Variants in ST3GAL1 observed in about 807,000 individuals in gnomAD.
The protein encoded by ST3GAL1 is CMP-N-acetylneuraminate-beta-galactosamide-alpha-2,3-sialyltransferase 1.
In ST3GAL1, 16 loss-of-function variants were observed where a neutral mutation model predicts 34.1. The observed-to-expected ratio is 0.47, with a 90% CI of 0.32 to 0.71. ST3GAL1 has a LOEUF of 0.71. Among genes scored for constraint, ST3GAL1 ranks in the 30% least tolerant of loss-of-function variants. The probability of loss-of-function intolerance (pLI) is 0.04; values close to 1 mark genes in which losing one functional copy is unlikely to be tolerated. For synonymous variants in ST3GAL1, 191 were observed against 184.7 expected (o/e 1.03, Z -0.28); for missense variants, 353 against 447.4 (o/e 0.79, Z 1.90).
At position 133,455,451 on chromosome 8, in the gene ST3GAL1, T is replaced by C. The variant is rs1398862108; in HGVS notation, c.*4313A>G. 3 of 152,238 alleles carry C rather than the reference T, an allele frequency of 2.0e-5. No homozygotes were observed. Among genetic ancestry groups the C allele is most frequent in the Non-Finnish European group, 4.4e-5 (3 of 68,060 alleles). The allele number at this position is 152,238 out of a possible 1,614,324, so 9.4% of individuals were successfully genotyped here. A position where few individuals can be genotyped will look rare whatever the true frequency, so the allele number is the denominator to read the frequency against. The stretch of plus-strand genomic sequence containing the variant: ...CCTGTCTCTGCCTTTTCTTCTAAGT[T>C]TTCCTCCTTTTCTTTGCACAGGTGT... On this transcript the variant is annotated 3_prime_UTR_variant, in exon 10 of 10. Transcript: ENST00000522652.
intron 2 of ST3GAL1, among the ~76,000 whole-genome samples, chr8:133,534,326 T>C (rs779785227): frequency 3.3e-5 from 5 of 151,622 alleles, no homozygotes; most frequent in Non-Finnish European, 5.9e-5. Flanking sequence ...CACACAGGCA[T>C]TGGACATATA....
intron 1 of ST3GAL1, among the ~76,000 whole-genome samples, chr8:133,567,504 T>C (rs1390302405): frequency 6.6e-6 from 1 of 152,216 alleles, no homozygotes; most frequent in East Asian, 1.9e-4. Flanking sequence ...TCTAAGGTCA[T>C]GTTCAGCTTG....
intron 2 of ST3GAL1, among the ~76,000 whole-genome samples, chr8:133,501,906 C>T (rs1817168571): frequency 6.6e-6 from 1 of 152,130 alleles, no homozygotes; most frequent in Non-Finnish European, 1.5e-5. Context: ...GAGGTGCATC[C>T]TGGCTGGCAG....
intron 1 of ST3GAL1, among the ~76,000 whole-genome samples, chr8:133,561,651 T>A (rs1213192102): frequency 1.3e-5 from 2 of 152,178 alleles, no homozygotes; most frequent in Admixed American, 6.5e-5. Context: ...TATGTTGTTT[T>A]TTTTGCCACT....
At chr8:133,512,866 C>A (rs1586631659) in intron 2 of ST3GAL1, among the ~76,000 whole-genome samples, 1 of 152,248 alleles carries the variant, frequency 6.6e-6, no homozygotes, top group East Asian at 1.9e-4. Context: ...ATCTTTGAAA[C>A]AACATTAAAA....
chr8:133,508,469 C>G lies in ST3GAL1; in HGVS notation c.-428-9280G>C, dbSNP rs7834944. 0.29 allele frequency among the ~76,000 whole-genome samples: 43,808 copies of G among 152,004 alleles called. 6,560 individuals are homozygous for G. The highest frequency in any genetic ancestry group is 0.32 in the Middle Eastern group (94 of 294). On this transcript the variant is annotated intron_variant, in intron 2 of 9. Coordinates refer to ENST00000522652, the MANE Select transcript of ST3GAL1 (RefSeq NM_173344.3). The surrounding 1 kb of genome is among the most constrained non-coding windows in gnomAD (Gnocchi z 4.1). Reference sequence around the variant, plus strand: ...CCTGCGTAGCCCTGTGTCCCCCACCCTTTCCCTGGAACACTTCCTCTGCAA... The same window carrying G: ...CCTGCGTAGCCCTGTGTCCCCCACCGTTTCCCTGGAACACTTCCTCTGCAA...
At chr8:133,546,349 G>C (rs1335599250) in intron 1 of ST3GAL1, among the ~76,000 whole-genome samples, 2 of 152,076 alleles carry the variant, frequency 1.3e-5, no homozygotes. Flanking sequence ...TGGGCATGGT[G>C]GCGCACACCT....
rs544994280 is a variant in ST3GAL1, at chr8:133,539,122, G to C, written c.-429+6652C>G. Among the ~76,000 whole-genome samples, 61 of 152,342 alleles carry C rather than the reference G, an allele frequency of 4.0e-4. 1 individual carries two copies. The South Asian group carries it at 0.01, about 25-fold the overall frequency. On this transcript the variant is annotated intron_variant, in intron 2 of 9. Coordinates refer to ENST00000522652, the MANE Select transcript of ST3GAL1 (RefSeq NM_173344.3). The stretch of plus-strand genomic sequence containing the variant: ...ACTCCTGAGCTCAGCTGATTCCTGA[G>C]AATGCAGTCCCTGATGTGGGATCAC...
chr8:133,480,552 G>A (rs1373895535), intron 3 of ST3GAL1, among the ~76,000 whole-genome samples: 2 of 152,150 alleles, frequency 1.3e-5, no homozygotes, highest in Admixed American at 6.5e-5. Context: ...CAAAATTGAC[G>A]CTTTCAATAC....
chr8:133,560,873 A>C (rs995221010), intron 1 of ST3GAL1, among the ~76,000 whole-genome samples: 2 of 152,098 alleles, frequency 1.3e-5, no homozygotes, highest in Non-Finnish European at 2.9e-5. Context: ...ATAAAATGGG[A>C]TTAAGAAAAA....
intron 3 of ST3GAL1, among the ~76,000 whole-genome samples, chr8:133,486,265 G>A (rs931768886): frequency 6.6e-6 from 1 of 152,242 alleles, no homozygotes; most frequent in Non-Finnish European, 1.5e-5. Flanking sequence ...TCTGAGCTGT[G>A]GAAGAGGAAC....
chr8:133,535,825 T>C (rs1328079712), intron 2 of ST3GAL1, among the ~76,000 whole-genome samples: 4 of 152,330 alleles, frequency 2.6e-5, no homozygotes, highest in Admixed American at 1.3e-4. Context: ...GATATGTACA[T>C]TGTTGTTTTA....
intron 2 of ST3GAL1, among the ~76,000 whole-genome samples, chr8:133,540,842 C>CATATATATAGAGACAT (rs1818461914): frequency 2.5e-5 from 2 of 78,582 alleles, no homozygotes; most frequent in African/African-American, 4.8e-5. Flanking sequence ...TATAGAGAGA[C>CATATATATAGAGACAT]ATATATATAG....
At chr8:133,472,828 G>A (rs1816021091) in intron 5 of ST3GAL1, among the ~76,000 whole-genome samples, 1 of 147,084 alleles carries the variant, frequency 6.8e-6, no homozygotes, top group Non-Finnish European at 1.5e-5. Context: ...CAACTAAGTG[G>A]AAATATATTC....
intron 3 of ST3GAL1, among the ~76,000 whole-genome samples, chr8:133,490,398 C>T (rs757420239): frequency 3.9e-5 from 6 of 152,230 alleles, no homozygotes; most frequent in Non-Finnish European, 7.3e-5. Context: ...ATAGCGAAGC[C>T]GCACACTAGG....
At chr8:133,513,146 G>A (rs1204897528) in intron 2 of ST3GAL1, among the ~76,000 whole-genome samples, 1 of 152,142 alleles carries the variant, frequency 6.6e-6, no homozygotes, top group East Asian at 1.9e-4. Flanking sequence ...TCAGAGGAGA[G>A]GCACAGGATG....
chr8:133,482,617 A>G (rs566641720), intron 3 of ST3GAL1, among the ~76,000 whole-genome samples: 2 of 152,300 alleles, frequency 1.3e-5, no homozygotes, highest in East Asian at 3.9e-4. Context: ...AGACAGTGAG[A>G]TGACTTCCAA....
intron 3 of ST3GAL1, among the ~76,000 whole-genome samples, chr8:133,490,275 C>A (rs1816746431): frequency 1.3e-5 from 2 of 151,256 alleles, no homozygotes; most frequent in Middle Eastern, 3.4e-3. Context: ...GGGGTGAGGG[C>A]CGATTCCTGA....
At position 133,459,037 on chromosome 8, in the gene ST3GAL1, C is replaced by T. The variant is rs1815399570; in HGVS notation, c.*727G>A. On this transcript the variant is annotated 3_prime_UTR_variant, in exon 10 of 10. Transcript: ENST00000522652. The surrounding 1 kb of genome is among the most constrained non-coding windows in gnomAD (Gnocchi z 4.7). ...AGTAGCTGGGGCTACAAGTGTGTGC[C>T]ACCGTGCCTGGCTAATTTTTTTAAA... 6.6e-6 allele frequency: 1 copy of T among 151,998 alleles called. No homozygotes were observed. Among genetic ancestry groups the T allele is most frequent in the Admixed American group, 6.6e-5 (1 of 15,250 alleles). 9.4% of individuals were successfully genotyped at this position (151,998 alleles called of 1,614,324 possible). A position where few individuals can be genotyped will look rare whatever the true frequency, so the allele number is the denominator to read the frequency against.
Sources: gnomAD v4.1 joint callset for allele counts (sites outside exome capture counted in the v4.1 genomes callset) on GRCh38, gnomAD v4.1.1 for gene constraint, Gnocchi (gnomAD v3.1) non-coding constraint, MANE v1.5 for transcripts, NCBI Gene and HGNC (gene_info 2026-07-23, HGNC 2026-07-21) for gene names.